Variants in FIGN observed in about 807,000 individuals in gnomAD.
FIGN encodes fidgetin, microtubule severing factor.
A neutral mutation model predicts 51.3 loss-of-function variants in FIGN; 11 were observed. The observed-to-expected ratio is 0.21, with a 90% CI of 0.13 to 0.35. The LOEUF is 0.35. Ranked by LOEUF, FIGN falls within the 10% of genes least tolerant of loss-of-function variation. The probability of loss-of-function intolerance (pLI) is 1.00; values close to 1 mark genes in which losing one functional copy is unlikely to be tolerated. For missense variants in FIGN, 857 were observed against 943.6 expected (o/e 0.91, Z 1.20); for synonymous variants, 407 against 363.2 (o/e 1.12, Z -1.37).
rs75262397 is a variant in FIGN, at chr2:163,707,494, A to C, written c.25+27409T>G. On this transcript the variant is annotated intron_variant, in intron 2 of 2. Transcript: ENST00000333129. ...CAGAAACAAAGAAGATTAAAAATGC[A>C]GAAGAGATGGAATTTGGAATTTAAG... Among the ~76,000 whole-genome samples, 12 of 152,204 alleles carry C rather than the reference A, an allele frequency of 7.9e-5. No individual in the cohort carries two copies. The East Asian group carries it at 2.1e-3, about 27-fold the overall frequency.
At chr2:163,703,994 A>C (rs915731209) in intron 2 of FIGN, among the ~76,000 whole-genome samples, 4 of 152,140 alleles carry the variant, frequency 2.6e-5, no homozygotes, top group Admixed American at 6.6e-5. Context: ...TTACTATATT[A>C]AAAGAGAGTC....
chr2:163,634,801 G>A (rs1683200786), intron 2 of FIGN, among the ~76,000 whole-genome samples: 1 of 152,124 alleles, frequency 6.6e-6, no homozygotes, highest in Non-Finnish European at 1.5e-5. Flanking sequence ...AAATCGCTAG[G>A]TAAGAATTCC....
chr2:163,704,519 C>G (rs139797903), intron 2 of FIGN, among the ~76,000 whole-genome samples: 2 of 151,892 alleles, frequency 1.3e-5, no homozygotes, highest in African/African-American at 2.4e-5. Flanking sequence ...AATTTTTATT[C>G]CCATCTCTGT....
intron 2 of FIGN, among the ~76,000 whole-genome samples, chr2:163,681,313 G>A (rs1684058247): frequency 6.6e-6 from 1 of 152,148 alleles, no homozygotes; most frequent in South Asian, 2.1e-4. Flanking sequence ...GGTCCTTGGA[G>A]TTCATGTAGC....
intron 2 of FIGN, among the ~76,000 whole-genome samples, chr2:163,649,603 T>C (rs563229474): frequency 6.6e-6 from 1 of 152,290 alleles, no homozygotes; most frequent in Admixed American, 6.5e-5. Flanking sequence ...ACATAAATCC[T>C]GTCATGGCTG....
rs910238041 is a variant in FIGN, at chr2:163,603,025, T to G, written c.*6527A>C. The G allele has an allele frequency of 6.6e-6, 1 of 152,006 alleles. No individual in the cohort carries two copies. Among genetic ancestry groups the G allele is most frequent in the Non-Finnish European group, 1.5e-5 (1 of 67,974 alleles). The allele number at this position is 152,006 out of a possible 1,614,324, so 9.4% of individuals were successfully genotyped here. ...ACACATATGATCAACCATATAATGA[T>G]CCCATCAAAATAAAAAAAATCTAAG... On this transcript the variant is annotated 3_prime_UTR_variant, in exon 3 of 3. Transcript: ENST00000333129.
intron 2 of FIGN, among the ~76,000 whole-genome samples, chr2:163,694,678 A>G (rs1466136992): frequency 2.0e-5 from 3 of 152,206 alleles, no homozygotes. Context: ...CATTAAGAGC[A>G]AAAATATTGG....
intron 2 of FIGN, chr2:163,612,204 T>C (rs1691279942): frequency 1.4e-5 from 8 of 559,220 alleles, no homozygotes; most frequent in Non-Finnish European, 1.8e-5. Context: ...ACATTTTAAA[T>C]ATCTTGCACA....
intron 2 of FIGN, among the ~76,000 whole-genome samples, chr2:163,689,406 GT>G (rs1384946808): frequency 3.3e-5 from 5 of 152,054 alleles, no homozygotes; most frequent in African/African-American, 9.7e-5. Context: ...TTCAATGTAA[GT>G]TCTCAATATT....
At chr2:163,669,138 G>C (rs1156766253) in intron 2 of FIGN, among the ~76,000 whole-genome samples, 1 of 151,486 alleles carries the variant, frequency 6.6e-6, no homozygotes, top group Non-Finnish European at 1.5e-5. Context: ...CTGAAAAAAA[G>C]TTGGCCCCCC....
At position 163,678,998 on chromosome 2, in the gene FIGN, T is replaced by A. The variant is rs184627009; in HGVS notation, c.25+55905A>T. Reference sequence around the variant, plus strand: ...TGAAAATTAAATTTATCTGGAGTAATTTATTCTTCAAAAACTAGTCTTTGG... The same window carrying A: ...TGAAAATTAAATTTATCTGGAGTAAATTATTCTTCAAAAACTAGTCTTTGG... On this transcript the variant is annotated intron_variant, in intron 2 of 2. Coordinates refer to ENST00000333129, the MANE Select transcript of FIGN (RefSeq NM_018086.4). Among the ~76,000 whole-genome samples, 292 of 152,330 alleles carry A rather than the reference T, an allele frequency of 1.9e-3. 1 individual carries two copies. Among genetic ancestry groups the A allele is most frequent in the African/African-American group, 6.4e-3 (268 of 41,574 alleles).
chr2:163,660,431 A>G (rs1395306933), intron 2 of FIGN, among the ~76,000 whole-genome samples: 1 of 152,026 alleles, frequency 6.6e-6, no homozygotes, highest in Non-Finnish European at 1.5e-5. Flanking sequence ...AAAAATCACT[A>G]CAGCATAGAA....
At chr2:163,634,783 CTT>C (rs1196963478) in intron 2 of FIGN, among the ~76,000 whole-genome samples, 2 of 152,202 alleles carry the variant, frequency 1.3e-5, no homozygotes, top group Non-Finnish European at 2.9e-5. Context: ...TTATAACTCT[CTT>C]ATAATAAATC....
intron 2 of FIGN, among the ~76,000 whole-genome samples, chr2:163,646,517 A>C (rs1372507753): frequency 6.6e-6 from 1 of 152,292 alleles, no homozygotes; most frequent in Middle Eastern, 3.4e-3. Context: ...ACAAATCTCA[A>C]GATTTTACCT....
At chr2:163,675,706 CTTTTTTTTTTTT>C (rs900840520) in intron 2 of FIGN, among the ~76,000 whole-genome samples, 1 of 100,494 alleles carries the variant, frequency 1.0e-5, no homozygotes, top group Non-Finnish European at 2.0e-5. Context: ...TTCTTTCTTT[CTTTTTTTTTTTT>C]TTTTTTTTTT....
intron 2 of FIGN, among the ~76,000 whole-genome samples, chr2:163,641,922 T>C (rs1472382822): frequency 1.3e-5 from 2 of 152,220 alleles, no homozygotes; most frequent in Non-Finnish European, 2.9e-5. Context: ...TTTAGACCAC[T>C]CAAGCTCCAA....
intron 2 of FIGN, among the ~76,000 whole-genome samples, chr2:163,689,954 C>G (rs1402478403): frequency 1.3e-5 from 2 of 152,100 alleles, no homozygotes; most frequent in African/African-American, 2.4e-5. Context: ...AAAGTAAGTG[C>G]AAAATTGTAA....
At position 163,603,414 on chromosome 2, in the gene FIGN, T is replaced by C. The variant is rs1691017316; in HGVS notation, c.*6138A>G. 6.6e-6 allele frequency: 1 copy of C among 152,072 alleles called. No individual in the cohort carries two copies. Among genetic ancestry groups the C allele is most frequent in the African/African-American group, 2.4e-5 (1 of 41,432 alleles). 9.4% of individuals were successfully genotyped at this position (152,072 alleles called of 1,614,324 possible). On this transcript the variant is annotated 3_prime_UTR_variant, in exon 3 of 3. Transcript: ENST00000333129. ...GTCAGGGAAGCAAAGTGCACAGAAA[T>C]TTTAATTAGTTAGGTTTCTTTTTCT...
intron 2 of FIGN, among the ~76,000 whole-genome samples, chr2:163,672,692 C>T (rs1683897265): frequency 6.6e-6 from 1 of 152,062 alleles, no homozygotes; most frequent in African/African-American, 2.4e-5. Flanking sequence ...ACAGCCACAA[C>T]AATAACAAGA....
Sources: gnomAD v4.1 joint callset for allele counts (sites outside exome capture counted in the v4.1 genomes callset) on GRCh38, gnomAD v4.1.1 for gene constraint, MANE v1.5 for transcripts, NCBI Gene and HGNC (gene_info 2026-07-23, HGNC 2026-07-21) for gene names.